CFAP47: variants seen among roughly 807,000 people sequenced by gnomAD.
CFAP47 encodes cilia and flagella associated protein 47, also known as cilia- and flagella-associated protein 47.
A neutral mutation model predicts 148.1 loss-of-function variants in CFAP47; 29 were observed. That is an observed-to-expected ratio of 0.20 (90% CI 0.15 to 0.27). The LOEUF is 0.27. CFAP47 is among the 10% of genes least tolerant of loss of function. The pLI is 1.00. For synonymous variants in CFAP47, 664 were observed against 577.3 expected, an observed-to-expected ratio of 1.15 and a Z score of -2.15; for missense variants, 1,872 against 1,697.5, an observed-to-expected ratio of 1.10 and a Z score of -1.81.
At chrX:36,336,272 C>CAG (rs1329967425) in intron 57 of CFAP47, among the ~76,000 whole-genome samples, 4 of 106,641 alleles carry the variant, frequency 3.8e-5, no homozygotes, top group Non-Finnish European at 7.8e-5. Flanking sequence ...CACACACACA[C>CAG]ACACACACAC....
At chrX:36,088,512 T>TTCTC (rs753374823) in intron 30 of CFAP47, among the ~76,000 whole-genome samples, 3 of 108,542 alleles carry the variant, frequency 2.8e-5, no homozygotes, top group Non-Finnish European at 3.8e-5. Context: ...CTCTCTTCTC[T>TTCTC]TCTCTCTCTC....
chrX:36,217,522 A>T (rs1940170756), intron 45 of CFAP47, among the ~76,000 whole-genome samples: 1 of 111,683 alleles, frequency 9.0e-6, no homozygotes, highest in South Asian at 3.7e-4. Context: ...TACTTGATGG[A>T]TATGCCTTTC....
intron 6 of CFAP47, among the ~76,000 whole-genome samples, chrX:35,952,550 G>A (rs1487255643): frequency 1.8e-5 from 2 of 111,958 alleles, no homozygotes; most frequent in Non-Finnish European, 3.8e-5. Flanking sequence ...ACCTTGATAA[G>A]TTGTAATATG....
rs909834002 is a variant in CFAP47, at chrX:36,383,753, A to G, written c.9355-1044A>G. On this transcript the variant is annotated intron_variant, in intron 63 of 63. Transcript: ENST00000378653. The stretch of plus-strand genomic sequence containing the variant: ...TTGCACTTAATATTAATTGACAGGT[A>G]TCACACTACATATAAAGCTCAGAGC... 3.6e-5 allele frequency among the ~76,000 whole-genome samples: 4 copies of G among 110,846 alleles called. No homozygotes were observed. In the East Asian group the frequency reaches 1.1e-3, roughly 32 times the overall value.
chrX:36,117,922 G>A (rs939855113), intron 33 of CFAP47, among the ~76,000 whole-genome samples: 6 of 111,705 alleles, frequency 5.4e-5, no homozygotes, highest in East Asian at 2.8e-4. Flanking sequence ...ATTTATATAC[G>A]AAAAGAGATT....
chrX:36,027,927 T>TCATGTTTGTTGGCTG (rs1306395995), intron 22 of CFAP47, among the ~76,000 whole-genome samples: 18 of 111,902 alleles, frequency 1.6e-4, no homozygotes, highest in African/African-American at 5.8e-4. Flanking sequence ...GAAATGTTTT[T>TCATGTTTGTTGGCTG]CATGTTTGTT....
In CFAP47 at chrX:36,079,072, G is replaced by T. The variant is rs185709381; in HGVS notation, c.4691+5708G>T. On this transcript the variant is annotated intron_variant, in intron 29 of 63. Transcript: ENST00000378653. ...CTGTTAGTCTGATGGACTTCCCTTT[G>T]TGGGTAACCCGACCTTTCTCTCTGG... 1.6e-4 allele frequency among the ~76,000 whole-genome samples: 18 copies of T among 111,782 alleles called. No individual in the cohort carries two copies. The East Asian group carries it at 4.2e-3, about 26-fold the overall frequency.
At position 35,923,982 on chromosome X, in the gene CFAP47, T is replaced by C. The variant is rs1228594968; in HGVS notation, c.250-2035T>C. Reference sequence around the variant, plus strand: ...GTACATATATGTGTATGTATGTGTATATATGTACATATATGTGTATATGTG... The same window carrying C: ...GTACATATATGTGTATGTATGTGTACATATGTACATATATGTGTATATGTG... On this transcript the variant is annotated intron_variant, in intron 1 of 63. Coordinates refer to ENST00000378653, the MANE Select transcript of CFAP47 (RefSeq NM_001304548.2). 5.0e-5 allele frequency among the ~76,000 whole-genome samples: 5 copies of C among 99,044 alleles called. No individual in the cohort carries two copies. In the East Asian group the frequency reaches 1.2e-3, roughly 24 times the overall value. 86.0% of individuals were successfully genotyped at this position (99,044 alleles called of 115,157 possible). A position where few individuals can be genotyped will look rare whatever the true frequency, so the allele number is the denominator to read the frequency against.
chrX:36,025,865 G>A (rs1280575068), intron 22 of CFAP47, among the ~76,000 whole-genome samples: 5 of 111,312 alleles, frequency 4.5e-5, no homozygotes, highest in Non-Finnish European at 5.7e-5. Flanking sequence ...TAATGTGAAT[G>A]TCTTCCAAGA....
At chrX:36,190,249 G>A (rs1360514431) in intron 42 of CFAP47, 53 bp downstream of exon 42, 2 of 293,046 alleles carry the variant, frequency 6.8e-6, no homozygotes, top group Non-Finnish European at 1.2e-5. Flanking sequence ...CTTTAATGGA[G>A]TAACGAACAG....
At chrX:36,348,747 G>A (rs1941719076) in intron 58 of CFAP47, among the ~76,000 whole-genome samples, 1 of 111,380 alleles carries the variant, frequency 9.0e-6, no homozygotes, top group Non-Finnish European at 1.9e-5. Flanking sequence ...AAACTGCCAT[G>A]GCTAGAGGTA....
intron 48 of CFAP47, among the ~76,000 whole-genome samples, chrX:36,241,778 C>T (rs1940547698): frequency 8.9e-6 from 1 of 112,096 alleles, no homozygotes; most frequent in Non-Finnish European, 1.9e-5. Context: ...CCTTTCTCTG[C>T]AAGGCCAGTC....
At chrX:35,968,357 TGATAAAAAGTG>T (rs1446062941) in intron 10 of CFAP47, among the ~76,000 whole-genome samples, 2 of 111,311 alleles carry the variant, frequency 1.8e-5, no homozygotes, top group African/African-American at 6.5e-5. Flanking sequence ...CCAATTAGGA[TGATAAAAAGTG>T]TTCAACCTCA....
chrX:36,168,806 AT>A (rs770481650), intron 39 of CFAP47, among the ~76,000 whole-genome samples: 4 of 111,912 alleles, frequency 3.6e-5, no homozygotes, highest in South Asian at 3.7e-4. Flanking sequence ...TTTTAAATAT[AT>A]ATTTACCAGT....
intron 21 of CFAP47, among the ~76,000 whole-genome samples, 183 bp downstream of exon 21, chrX:36,001,890 T>C (rs1219063093): frequency 4.5e-5 from 5 of 111,657 alleles, no homozygotes; most frequent in African/African-American, 1.6e-4. Context: ...GCAGAGTGCC[T>C]CAAGAGGAGT....
chrX:36,085,583 G>A, intron 30 of CFAP47, 45 bp downstream of exon 30: 2 of 792,652 alleles, frequency 2.5e-6, no homozygotes, highest in South Asian at 2.4e-5. Flanking sequence ...CTCTGGCTTG[G>A]ATAGTTAGAT....
intron 8 of CFAP47, among the ~76,000 whole-genome samples, chrX:35,959,394 T>C (rs943379129): frequency 1.2e-4 from 13 of 112,310 alleles, no homozygotes; most frequent in Non-Finnish European, 2.3e-4. Context: ...AAGTTCAATT[T>C]ATCTATTTTT....
chrX:36,160,272 T>C (rs1317477291), intron 38 of CFAP47, among the ~76,000 whole-genome samples: 2 of 111,272 alleles, frequency 1.8e-5, no homozygotes, highest in Non-Finnish European at 3.8e-5. Context: ...TCTTATTTCC[T>C]CCTGAATAAT....
At chrX:36,371,488 G>T (rs1556021326) in intron 62 of CFAP47, among the ~76,000 whole-genome samples, 1 of 105,589 alleles carries the variant, frequency 9.5e-6, no homozygotes, top group African/African-American at 3.4e-5. Context: ...TAATTGTAGG[G>T]CTGGGTGTGT....
Sources: gnomAD v4.1 joint callset for allele counts (sites outside exome capture counted in the v4.1 genomes callset) on GRCh38, gnomAD v4.1.1 for gene constraint, MANE v1.5 for transcripts, NCBI Gene and HGNC (gene_info 2026-07-23, HGNC 2026-07-21) for gene names.